KIR3DL2: variants seen among roughly 807,000 people sequenced by gnomAD.
The protein encoded by KIR3DL2 is killer cell immunoglobulin like receptor, three Ig domains and long cytoplasmic tail 2.
In KIR3DL2, 42 loss-of-function variants were observed where a neutral mutation model predicts 41.6. The observed-to-expected ratio is 1.01, with a 90% CI of 0.79 to 1.31. The LOEUF (loss-of-function observed/expected upper bound fraction) is 1.31, where lower values mean the gene tolerates loss of function less well. KIR3DL2 is among the 50% of genes most tolerant of loss of function. KIR3DL2 has a pLI of 0.00. For synonymous variants in KIR3DL2, 230 were observed against 221.3 expected (o/e 1.04, Z -0.35); for missense variants, 728 against 576.8 (o/e 1.26, Z -2.68).
At chr19:54,859,872 G>C (rs200808407) in intron 6 of KIR3DL2, among the ~76,000 whole-genome samples, 467 of 149,378 alleles carry the variant, frequency 3.1e-3, no homozygotes, top group African/African-American at 0.011. Flanking sequence ...CATGTTCCTT[G>C]GCTCCTGGTA....
chr19:54,866,015 G>A lies in KIR3DL2; in HGVS notation c.1105+106G>A. On this transcript the variant is annotated intron_variant, in intron 7 of 8. Coordinates refer to ENST00000326321, the MANE Select transcript of KIR3DL2 (RefSeq NM_006737.4). Reference sequence around the variant, plus strand: ...ACTGGCAGGATGGTCCCTGGCCCAAGGGAGGAGCCACAGAGGCAGGGCTTT... The same window carrying A: ...ACTGGCAGGATGGTCCCTGGCCCAAAGGAGGAGCCACAGAGGCAGGGCTTT... The A allele has an allele frequency of 3.7e-6, 4 of 1,070,960 alleles. No individual in the cohort carries two copies. In the South Asian group the frequency reaches 4.0e-5, roughly 11 times the overall value. The allele number at this position is 1,070,960 out of a possible 1,614,324, so 66.3% of individuals were successfully genotyped here.
At chr19:54,866,333 C>A (rs1463027276) in intron 7 of KIR3DL2, 37 bp from the exon 8 acceptor site, 2 of 1,609,704 alleles carry the variant, frequency 1.2e-6, no homozygotes, top group Non-Finnish European at 8.5e-7. Context: ...CCCAGAAGGG[C>A]CCTCCAAGCG....
intron 6 of KIR3DL2, among the ~76,000 whole-genome samples, chr19:54,860,185 T>G (rs2145677959): frequency 6.6e-6 from 1 of 151,952 alleles, no homozygotes; most frequent in Non-Finnish European, 1.5e-5. Context: ...GACATGGACA[T>G]TTTTGGGGTG....
chr19:54,865,706 G>A, intron 6 of KIR3DL2, 99 bp from the exon 7 acceptor site: 1 of 1,062,576 alleles, frequency 9.4e-7, no homozygotes, highest in Non-Finnish European at 1.4e-6. Context: ...TTGTCCTAAG[G>A]AGATGTTCCA....
chr19:54,865,943 G>A (rs1483700746), intron 7 of KIR3DL2, 34 bp downstream of exon 7: 3 of 1,571,204 alleles, frequency 1.9e-6, no homozygotes, highest in African/African-American at 1.4e-5. Flanking sequence ...AGAGAGCTCA[G>A]GGCCATGTGG....
intron 8 of KIR3DL2, 34 bp from the exon 9 acceptor site, chr19:54,866,488 C>T (rs1370521410): frequency 5.6e-6 from 9 of 1,614,002 alleles, no homozygotes; most frequent in Non-Finnish European, 7.6e-6. Flanking sequence ...AAAATGTGAG[C>T]ACCCTCCCTC....
chr19:54,861,335 T>C (rs2065165227), intron 6 of KIR3DL2, among the ~76,000 whole-genome samples: 1 of 151,922 alleles, frequency 6.6e-6, no homozygotes, highest in South Asian at 2.1e-4. Flanking sequence ...GTGGTGCAAA[T>C]GAAGGGACCT....
At position 54,855,618 on chromosome 19, in the gene KIR3DL2, G is replaced by A. The variant is rs2064683952; in HGVS notation, c.656-1G>A. ...GAGGAAACTGCCTCTTCTCCTTCCAGGTCTATATGAGAAACCTTCTCTCTC... is the reference window on the plus strand; with the variant it reads ...GAGGAAACTGCCTCTTCTCCTTCCAAGTCTATATGAGAAACCTTCTCTCTC... On this transcript the variant is annotated splice_acceptor_variant, in intron 4 of 8. Coordinates refer to ENST00000326321, the MANE Select transcript of KIR3DL2 (RefSeq NM_006737.4). LOFTEE classifies it high-confidence loss of function. The A allele has an allele frequency of 6.2e-7, 1 of 1,612,176 alleles. No individual in the cohort carries two copies. The highest frequency in any genetic ancestry group is 1.7e-5 in the Admixed American group (1 of 59,540).
At chr19:54,851,318 G>A in intron 2 of KIR3DL2, 63 bp downstream of exon 2, 1 of 1,557,596 alleles carries the variant, frequency 6.4e-7, no homozygotes, top group South Asian at 1.1e-5. Context: ...TCTGAAACAG[G>A]AGGGAAGTCC....
At chr19:54,858,429 G>C (rs1227434791) in intron 5 of KIR3DL2, among the ~76,000 whole-genome samples, 9 of 148,506 alleles carry the variant, frequency 6.1e-5, no homozygotes, top group Non-Finnish European at 4.4e-5. Context: ...CGGCACCTTT[G>C]TCAAAGTCCA....
At chr19:54,857,647 G>C (rs113218585) in intron 5 of KIR3DL2, among the ~76,000 whole-genome samples, 1 of 151,588 alleles carries the variant, frequency 6.6e-6, no homozygotes, top group African/African-American at 2.4e-5. Context: ...TGCCTCCCGC[G>C]TTCAACTGAT....
At chr19:54,863,772 G>A (rs1184560764) in intron 6 of KIR3DL2, among the ~76,000 whole-genome samples, 1 of 151,966 alleles carries the variant, frequency 6.6e-6, no homozygotes, top group East Asian at 1.9e-4. Flanking sequence ...TGTCAGATGA[G>A]TAGGTTGCGA....
intron 6 of KIR3DL2, among the ~76,000 whole-genome samples, chr19:54,863,710 T>G (rs953242522): frequency 1.3e-5 from 2 of 152,060 alleles, no homozygotes; most frequent in Middle Eastern, 3.2e-3. Context: ...ATTGTTTGTT[T>G]TTTTCTTGTA....
At chr19:54,860,012 G>A (rs2065063314) in intron 6 of KIR3DL2, among the ~76,000 whole-genome samples, 1 of 151,762 alleles carries the variant, frequency 6.6e-6, no homozygotes, top group Non-Finnish European at 1.5e-5. Context: ...TGAAAACTTG[G>A]GGATTCTATT....
At chr19:54,859,659 G>C (rs1295948289) in intron 6 of KIR3DL2, among the ~76,000 whole-genome samples, 1 of 151,192 alleles carries the variant, frequency 6.6e-6, no homozygotes, top group Non-Finnish European at 1.5e-5. Context: ...CAGTGTGGAA[G>C]CTTTTCCTAT....
rs1569528102 is a variant in KIR3DL2 at position 54,866,674 on chromosome 19, A to G, written c.1311A>G (p.Arg437=). ...VYTELPNAEP[R]SKVVSCPRAP... ...CGGAACTTCCAAATGCTGAGCCCAGATCCAAAGTTGTCTCCTGCCCACGAG... is the reference window on the plus strand; with the variant it reads ...CGGAACTTCCAAATGCTGAGCCCAGGTCCAAAGTTGTCTCCTGCCCACGAG... The change falls in exon 9 of 9, where the codon AGA becomes AGG. Residue 437 remains arginine, a synonymous_variant. Coordinates refer to ENST00000326321, the MANE Select transcript of KIR3DL2 (RefSeq NM_006737.4). 6.2e-7 allele frequency: 1 copy of G among 1,613,906 alleles called. No individual in the cohort carries two copies. The highest frequency in any genetic ancestry group is 8.5e-7 in the Non-Finnish European group (1 of 1,179,940).
rs2145569769 is a variant in KIR3DL2, at chr19:54,852,397, G to A, written c.355+115G>A. ...AGGCCCCAACTGTATTTGGGGTCAA[G>A]GGAGATTGAATACAGGGGAAATGGG... On this transcript the variant is annotated intron_variant, in intron 3 of 8. Coordinates refer to ENST00000326321, the MANE Select transcript of KIR3DL2 (RefSeq NM_006737.4). 63 of 1,422,424 alleles carry A rather than the reference G, an allele frequency of 4.4e-5. 1 individual carries two copies. In the South Asian group the frequency reaches 7.7e-4, roughly 17 times the overall value. 88.1% of individuals were successfully genotyped at this position (1,422,424 alleles called of 1,614,324 possible). A position where few individuals can be genotyped will look rare whatever the true frequency, so the allele number is the denominator to read the frequency against.
chr19:54,862,185 G>A (rs1276109169), intron 6 of KIR3DL2, among the ~76,000 whole-genome samples: 4 of 151,726 alleles, frequency 2.6e-5, no homozygotes, highest in South Asian at 2.1e-4. Flanking sequence ...AGAGTAGCAC[G>A]TTTCACATGG....
chr19:54,866,668 G>C lies in KIR3DL2; in HGVS notation c.1305G>C (p.Glu435Asp). The C allele has an allele frequency of 1.9e-6, 3 of 1,613,920 alleles. No individual in the cohort carries two copies. The highest frequency in any genetic ancestry group is 2.5e-6 in the Non-Finnish European group (3 of 1,179,966). ...TGTACACGGAACTTCCAAATGCTGA[G>C]CCCAGATCCAAAGTTGTCTCCTGCC... ...TSVYTELPNA[E>D]PRSKVVSCPR... Residue 435 changes from glutamate (E) to aspartate (D), a missense_variant, in exon 9 of 9, where the codon GAG (glutamate) becomes GAC (aspartate). Transcript: ENST00000326321.
Sources: gnomAD v4.1 joint callset for allele counts (sites outside exome capture counted in the v4.1 genomes callset) on GRCh38, gnomAD v4.1.1 for gene constraint, MANE v1.5 for transcripts, NCBI Gene and HGNC (gene_info 2026-07-23, HGNC 2026-07-21) for gene names.